Variants in NCKAP1 observed in about 807,000 individuals in gnomAD.
NCKAP1 encodes nck-associated protein 1.
Under a neutral mutation model 151.2 loss-of-function variants are expected in NCKAP1, and 21 were observed. The observed-to-expected ratio is 0.14, with a 90% CI of 0.10 to 0.20. The LOEUF (loss-of-function observed/expected upper bound fraction) is 0.20, where lower values mean the gene tolerates loss of function less well. Among genes scored for constraint, NCKAP1 ranks in the 10% least tolerant of loss-of-function variants. The probability of loss-of-function intolerance (pLI) is 1.00; values close to 1 mark genes in which losing one functional copy is unlikely to be tolerated. For synonymous variants in NCKAP1, 484 were observed against 451.8 expected, an observed-to-expected ratio of 1.07 and a Z score of -0.90; for missense variants, 933 against 1,352.1, an observed-to-expected ratio of 0.69 and a Z score of 4.86.
At chr2:183,008,426 AT>A (rs1324716746) in intron 2 of NCKAP1, among the ~76,000 whole-genome samples, 1 of 152,206 alleles carries the variant, frequency 6.6e-6, no homozygotes, top group Non-Finnish European at 1.5e-5. Flanking sequence ...GAATAAAAAA[AT>A]AATTACCAGT....
chr2:182,985,193 C>T (rs576532526), intron 10 of NCKAP1, among the ~76,000 whole-genome samples: 8 of 152,242 alleles, frequency 5.3e-5, no homozygotes, highest in African/African-American at 1.9e-4. Context: ...ATCTTATAGC[C>T]TAAACTGAAA....
rs546039588 is a variant in NCKAP1, at chr2:183,025,916, T to C, written c.109-2000A>G. On this transcript the variant is annotated intron_variant, in intron 1 of 30. Transcript: ENST00000361354. ...TGTGTTGTCTTTCATATTCTAACTA[T>C]TGAAAAATTTAGCTATCCATTCCTC... Among the ~76,000 whole-genome samples, 111 of 152,342 alleles carry C rather than the reference T, an allele frequency of 7.3e-4. 1 individual carries two copies. Among genetic ancestry groups the C allele is most frequent in the Admixed American group, 2.2e-3 (34 of 15,298 alleles).
chr2:183,020,017 T>C (rs1698765049), intron 2 of NCKAP1, among the ~76,000 whole-genome samples: 1 of 151,930 alleles, frequency 6.6e-6, no homozygotes, highest in South Asian at 2.1e-4. Context: ...TGCTCAAGGA[T>C]TCTAAAGGGA....
At chr2:183,036,069 A>G (rs77067830) in intron 1 of NCKAP1, among the ~76,000 whole-genome samples, 8,738 of 152,250 alleles carry the variant, frequency 0.057, 372 homozygotes, top group Non-Finnish European at 0.088. Flanking sequence ...CATTCAATGC[A>G]TTTTAACTTT....
intron 2 of NCKAP1, among the ~76,000 whole-genome samples, chr2:183,020,023 A>C (rs2105891317): frequency 6.6e-6 from 1 of 152,278 alleles, no homozygotes; most frequent in East Asian, 1.9e-4. Context: ...AGGATTCTAA[A>C]GGGATTAAAA....
chr2:182,954,486 G>A (rs910989855), intron 20 of NCKAP1, among the ~76,000 whole-genome samples: 79 of 152,220 alleles, frequency 5.2e-4, no homozygotes, highest in Non-Finnish European at 1.0e-3. Context: ...GCCAAGAAGA[G>A]CCAACGCAAG....
chr2:183,036,467 G>A (rs550332391), intron 1 of NCKAP1, among the ~76,000 whole-genome samples: 1 of 152,020 alleles, frequency 6.6e-6, no homozygotes, highest in African/African-American at 2.4e-5. Flanking sequence ...CAATCTCCCC[G>A]AACAGTTCAG....
Position 182,980,778 on chromosome 2 carries a change from C to G in NCKAP1, c.1341+466G>C, listed in dbSNP as rs148391302. Among the ~76,000 whole-genome samples the G allele has an allele frequency of 8.8e-3, 1,344 of 152,232 alleles. 13 individuals carry two copies. Among genetic ancestry groups the G allele is most frequent in the African/African-American group, 0.018 (747 of 41,548 alleles). On this transcript the variant is annotated intron_variant, in intron 13 of 30. Transcript: ENST00000361354. ...AATTATATTGTCTCTATCATCTCTT[C>G]TGAATCTCCATAGCTACTGCCCATG...
intron 6 of NCKAP1, among the ~76,000 whole-genome samples, chr2:182,996,970 A>G (rs1698282424): frequency 6.6e-6 from 1 of 152,130 alleles, no homozygotes; most frequent in African/African-American, 2.4e-5. Context: ...AATCCTGGGA[A>G]ATTTGGGAGG....
At chr2:182,954,842 C>T (rs987369856) in intron 20 of NCKAP1, among the ~76,000 whole-genome samples, 4 of 151,930 alleles carry the variant, frequency 2.6e-5, no homozygotes, top group Non-Finnish European at 5.9e-5. Flanking sequence ...GGTAAACAAG[C>T]TGTTCCCCTT....
intron 2 of NCKAP1, 109 bp from the exon 3 acceptor site, chr2:183,003,434 T>C: frequency 4.3e-6 from 3 of 692,974 alleles, no homozygotes; most frequent in East Asian, 5.8e-5. Context: ...GCTTTTAGAA[T>C]ATTTCTAGAT....
intron 9 of NCKAP1, among the ~76,000 whole-genome samples, chr2:182,986,949 T>A (rs1263870157): frequency 6.6e-6 from 1 of 152,116 alleles, no homozygotes; most frequent in Non-Finnish European, 1.5e-5. Flanking sequence ...TCTAAAAATC[T>A]CTTACACTAT....
chr2:182,967,908 T>C (rs758199165), intron 15 of NCKAP1, among the ~76,000 whole-genome samples: 100 of 151,984 alleles, frequency 6.6e-4, no homozygotes, highest in Non-Finnish European at 1.1e-3. Context: ...TTAAGATAGG[T>C]TGTGGGGAAA....
intron 2 of NCKAP1, among the ~76,000 whole-genome samples, chr2:183,013,194 A>G (rs1472095561): frequency 7.2e-5 from 11 of 152,162 alleles, no homozygotes; most frequent in African/African-American, 2.6e-4. Context: ...ATCTTCTTCA[A>G]CTTGACAGTC....
intron 12 of NCKAP1, among the ~76,000 whole-genome samples, chr2:182,981,973 T>A (rs1179503546): frequency 1.3e-5 from 2 of 149,934 alleles, no homozygotes; most frequent in African/African-American, 4.9e-5. Context: ...AAATACATCA[T>A]CAAAAAATCT....
intron 1 of NCKAP1, among the ~76,000 whole-genome samples, chr2:183,032,233 A>C (rs1699017547): frequency 6.6e-6 from 1 of 152,256 alleles, no homozygotes; most frequent in Admixed American, 6.5e-5. Flanking sequence ...AAAAAGTATC[A>C]GAGCATTATC....
chr2:182,987,395 C>T lies in NCKAP1; in HGVS notation c.948-1168G>A, dbSNP rs78287439. On this transcript the variant is annotated intron_variant, in intron 9 of 30. Coordinates refer to ENST00000361354, the MANE Select transcript of NCKAP1 (RefSeq NM_013436.5). Reference sequence around the variant, plus strand: ...TAATCATCACCCTCTATAATTAATACACTTTTATACTTATGGTTTGATGAT... The same window carrying T: ...TAATCATCACCCTCTATAATTAATATACTTTTATACTTATGGTTTGATGAT... Among the ~76,000 whole-genome samples the T allele has an allele frequency of 5.7e-3, 860 of 152,196 alleles. 4 individuals are homozygous for T. Among genetic ancestry groups the T allele is most frequent in the Non-Finnish European group, 7.4e-3 (503 of 68,018 alleles).
intron 20 of NCKAP1, among the ~76,000 whole-genome samples, chr2:182,955,632 T>C (rs974286556): frequency 6.6e-5 from 10 of 152,180 alleles, no homozygotes; most frequent in African/African-American, 2.4e-4. Context: ...CATCTAGTCC[T>C]CAGGTCTTCA....
rs866433750 is a variant in NCKAP1 at position 183,021,537 on chromosome 2, G to T, written c.219+2269C>A. The stretch of plus-strand genomic sequence containing the variant: ...AAGATGAGAACATCATTTTGGTCTA[G>T]GAGTTCGGTGTTACAGTGAGCTATG... On this transcript the variant is annotated intron_variant, in intron 2 of 30. Transcript: ENST00000361354. Among the ~76,000 whole-genome samples, 15 of 152,308 alleles carry T rather than the reference G, an allele frequency of 9.8e-5. No homozygotes were observed. In the Middle Eastern group the frequency reaches 0.01, roughly 104 times the overall value.
Sources: allele counts gnomAD v4.1 joint callset (sites outside exome capture counted in the v4.1 genomes callset), GRCh38; gene constraint gnomAD v4.1.1; transcripts MANE v1.5; gene names NCBI Gene and HGNC (gene_info 2026-07-23, HGNC 2026-07-21).